Variants in C19orf38 observed in about 807,000 individuals in gnomAD.
C19orf38 encodes chromosome 19 open reading frame 38.
Under a neutral mutation model 26.6 loss-of-function variants are expected in C19orf38, and 14 were observed. The ratio of observed to expected loss-of-function variants is 0.53; its 90% CI spans 0.35 to 0.82. The LOEUF is 0.82. Ranked by LOEUF, C19orf38 falls within the 40% of genes least tolerant of loss-of-function variation. The pLI is 0.01. For missense variants in C19orf38, 261 were observed against 299.5 expected (o/e 0.87, Z 0.95); for synonymous variants, 132 against 128.5 (o/e 1.03, Z -0.18).
intron 3 of C19orf38, among the ~76,000 whole-genome samples, chr19:10,857,341 T>TAC (rs2073636571): frequency 2.6e-4 from 17 of 65,040 alleles, no homozygotes; most frequent in African/African-American, 1.7e-3. Flanking sequence ...CACACATACA[T>TAC]ATATATATAT....
At chr19:10,868,027 G>C (rs1442812307) in intron 6 of C19orf38, among the ~76,000 whole-genome samples, 1 of 152,138 alleles carries the variant, frequency 6.6e-6, no homozygotes, top group Non-Finnish European at 1.5e-5. Flanking sequence ...TTCAATTGTT[G>C]ATGGACACTT....
chr19:10,836,984 A>G (rs2073436938), intron 1 of C19orf38, among the ~76,000 whole-genome samples: 2 of 152,156 alleles, frequency 1.3e-5, no homozygotes, highest in South Asian at 4.1e-4. Context: ...CCAGGTAGGA[A>G]GAGATAAGGA....
rs1179468738 is a variant in C19orf38 at position 10,836,770 on chromosome 19, CG to C, written c.-69+1del. 6.6e-6 allele frequency: 1 copy of C among 152,572 alleles called. No homozygotes were observed. Among genetic ancestry groups the C allele is most frequent in the East Asian group, 1.9e-4 (1 of 5,198 alleles). 9.5% of individuals were successfully genotyped at this position (152,572 alleles called of 1,614,324 possible). ...AGAGGCATCAGCGTATCAGTTTCCT[CG>C]TAAGTCGGGAGTGATGGAACGACCA... On this transcript the variant is annotated splice_donor_variant, in intron 1 of 7. Coordinates refer to the C19orf38 transcript ENST00000592854. LOFTEE classifies it low-confidence loss of function (5UTR_SPLICE).
intron 1 of C19orf38, among the ~76,000 whole-genome samples, chr19:10,849,667 C>G (rs900208060): frequency 1.2e-4 from 18 of 151,676 alleles, no homozygotes; most frequent in African/African-American, 4.1e-4. Context: ...CCAGCCTGGG[C>G]GACAAAGCAA....
rs995760470 is a variant in C19orf38, at chr19:10,850,549, G to A, written c.322G>A (p.Val108Met). The change falls in exon 2 of 7, where the codon GTG becomes ATG. Residue 108 changes from valine to methionine, a missense_variant. Physicochemically the swap from Val to Met is conservative, Grantham distance 21. Transcript: ENST00000397820. ...CCAGCTGTCAGACCTCAGCGAGCCCGTGAACGTCTCCTTCCCAGGTAAGGC... is the reference window on the plus strand; with the variant it reads ...CCAGCTGTCAGACCTCAGCGAGCCCATGAACGTCTCCTTCCCAGGTAAGGC... The part of the protein sequence containing the change: ...QSQLSDLSEP[V>M]NVSFPVPTWI... The A allele has an allele frequency of 1.2e-5, 19 of 1,551,448 alleles. No individual in the cohort carries two copies. Among genetic ancestry groups the A allele is most frequent in the East Asian group, 7.3e-5 (3 of 40,928 alleles).
In C19orf38 at chr19:10,848,458, C is replaced by T; in HGVS notation, c.-51C>T. 1 of 1,547,066 alleles carries T rather than the reference C, an allele frequency of 6.5e-7. No individual in the cohort carries two copies. The highest frequency in any genetic ancestry group is 8.7e-7 in the Non-Finnish European group (1 of 1,142,930). ...CCTCACAGGAGGAGTTGGCGGGGAG[C>T]CTTGGGCCCCTCTGGCCTCAGCCGG... On this transcript the variant is annotated 5_prime_UTR_variant, in exon 1 of 7. Transcript: ENST00000397820.
chr19:10,863,247 C>T (rs563624740), intron 6 of C19orf38, 40 bp downstream of exon 6: 231 of 1,543,400 alleles, frequency 1.5e-4, no homozygotes, highest in Non-Finnish European at 1.8e-4. Flanking sequence ...TTCTGCTGAC[C>T]GTCCTACCGG....
At chr19:10,867,937 G>A (rs1461292562) in intron 6 of C19orf38, among the ~76,000 whole-genome samples, 1 of 152,020 alleles carries the variant, frequency 6.6e-6, no homozygotes, top group East Asian at 1.9e-4. Flanking sequence ...ACAGGTGTGA[G>A]CCACCGTGCC....
chr19:10,862,656 C>T (rs773317846), intron 5 of C19orf38, among the ~76,000 whole-genome samples: 14 of 151,960 alleles, frequency 9.2e-5, no homozygotes, highest in Non-Finnish European at 1.8e-4. Flanking sequence ...ATGGTGAATC[C>T]CTATCTCTAC....
At chr19:10,856,486 A>G in intron 3 of C19orf38, 129 bp downstream of exon 3, 1 of 550,896 alleles carries the variant, frequency 1.8e-6, no homozygotes, top group East Asian at 3.5e-5. Context: ...CACCCCTTTT[A>G]AAAGTATTTA....
rs144655513 is a variant in C19orf38, at chr19:10,838,871, G to T, written c.-69+2101G>T. ...GCTAATCTTTTATTATGCAGCCGGG[G>T]TCTCTACCTGAGCTGTGCCACATCG... is the stretch of plus-strand genomic sequence containing the variant. On this transcript the variant is annotated intron_variant, in intron 1 of 7. Transcript: ENST00000592854. Among the ~76,000 whole-genome samples, 182 of 151,918 alleles carry T rather than the reference G, an allele frequency of 1.2e-3. 1 individual carries two copies. Among genetic ancestry groups the T allele is most frequent in the African/African-American group, 4.2e-3 (174 of 41,456 alleles).
intron 4 of C19orf38, 130 bp from the exon 5 acceptor site, chr19:10,859,785 C>G (rs2073677669): frequency 1.3e-6 from 1 of 761,046 alleles, no homozygotes; most frequent in Non-Finnish European, 2.3e-6. Flanking sequence ...TGGGGAAGAC[C>G]CATGGGTCAG....
chr19:10,838,398 G>C (rs960212205), intron 1 of C19orf38, among the ~76,000 whole-genome samples: 3 of 152,128 alleles, frequency 2.0e-5, no homozygotes, highest in Non-Finnish European at 4.4e-5. Context: ...CGACAGAGCA[G>C]GACTCCGTGT....
In C19orf38 at chr19:10,869,440, G is replaced by C; in HGVS notation, c.*73G>C. ...AGGTCCCTCCAGCTACTTCTGGGGG[G>C]GCTCTGTCAGCCACTTTCTCAGGGA... is the stretch of plus-strand genomic sequence containing the variant. On this transcript the variant is annotated 3_prime_UTR_variant, in exon 7 of 7. Transcript: ENST00000397820. The C allele has an allele frequency of 1.4e-6, 2 of 1,457,034 alleles. No individual in the cohort carries two copies. Among genetic ancestry groups the C allele is most frequent in the South Asian group, 1.4e-5 (1 of 72,164 alleles). The allele number at this position is 1,457,034 out of a possible 1,614,324, so 90.3% of individuals were successfully genotyped here. A position where few individuals can be genotyped will look rare whatever the true frequency, so the allele number is the denominator to read the frequency against.
rs1164393634 is a variant in C19orf38, at chr19:10,859,348, G to GTA, written c.462-531_462-530dup. ...TGTATGTATGTGTGTGTGTGTGTGT[G>GTA]TATATATATATATATATATATATAT... On this transcript the variant is annotated intron_variant, in intron 4 of 6. Coordinates refer to ENST00000397820, the MANE Select transcript of C19orf38 (RefSeq NM_001136482.3). 8.7e-3 allele frequency among the ~76,000 whole-genome samples: 488 copies of GTA among 55,844 alleles called. 3 individuals carry two copies. The highest frequency in any genetic ancestry group is 0.011 in the Middle Eastern group (1 of 92). 36.6% of individuals were successfully genotyped at this position (55,844 alleles called of 152,430 possible).
chr19:10,860,644 A>G (rs1016496958), intron 5 of C19orf38, among the ~76,000 whole-genome samples: 5 of 148,812 alleles, frequency 3.4e-5, no homozygotes, highest in African/African-American at 1.2e-4. Flanking sequence ...GATCGAGACC[A>G]TCCTGGCTAA....
intron 2 of C19orf38, 61 bp downstream of exon 2, chr19:10,850,628 T>A: frequency 6.6e-7 from 1 of 1,507,502 alleles, no homozygotes. Context: ...GGACCTCTTG[T>A]GTGTACTGTT....
chr19:10,845,707 A>G (rs555461887), upstream of C19orf38, among the ~76,000 whole-genome samples: 1 of 151,432 alleles, frequency 6.6e-6, no homozygotes, highest in East Asian at 2.0e-4. Flanking sequence ...GTGAAACCCC[A>G]TCTCCACTAA....
intron 4 of C19orf38, among the ~76,000 whole-genome samples, chr19:10,859,033 G>T (rs983915575): frequency 6.6e-6 from 1 of 150,518 alleles, no homozygotes; most frequent in Non-Finnish European, 1.5e-5. Flanking sequence ...TGCCTCCTGC[G>T]TTCAAGCAGT....
Sources: allele counts gnomAD v4.1 joint callset (sites outside exome capture counted in the v4.1 genomes callset), GRCh38; gene constraint gnomAD v4.1.1; transcripts MANE v1.5; gene names NCBI Gene and HGNC (gene_info 2026-07-23, HGNC 2026-07-21).